The following STAU2 variants were observed in gnomAD, a reference collection of about 807,000 sequenced individuals.
The protein encoded by STAU2 is staufen double-stranded RNA binding protein 2.
A neutral mutation model predicts 65.9 loss-of-function variants in STAU2; 20 were observed. The observed-to-expected ratio is 0.30, with a 90% confidence interval of 0.21 to 0.44. STAU2 has a LOEUF of 0.44. STAU2 is among the 20% of genes least tolerant of loss of function. The probability of loss-of-function intolerance (pLI) is 1.00; values close to 1 mark genes in which losing one functional copy is unlikely to be tolerated. For missense variants in STAU2, 558 were observed against 683.9 expected (o/e 0.82, Z 2.05); for synonymous variants, 232 against 233.9 (o/e 0.99, Z 0.07).
chr8:73,612,872 G>A (rs2129830890), intron 9 of STAU2, among the ~76,000 whole-genome samples: 1 of 152,286 alleles, frequency 6.6e-6, no homozygotes, highest in South Asian at 2.1e-4. Context: ...GGCAATTTAA[G>A]GCTTTCTCTG....
chr8:73,597,369 G>A (rs1031465905), intron 10 of STAU2, among the ~76,000 whole-genome samples: 2 of 151,878 alleles, frequency 1.3e-5, no homozygotes, highest in Middle Eastern at 3.4e-3. Context: ...AAGGATTACT[G>A]AGGCCGGGTG....
At chr8:73,666,078 G>A (rs1817216519) in intron 6 of STAU2, among the ~76,000 whole-genome samples, 1 of 152,058 alleles carries the variant, frequency 6.6e-6, no homozygotes, top group African/African-American at 2.4e-5. Context: ...TGAATGCTGA[G>A]CCCATGGATA....
chr8:73,571,597 T>G (rs1459023091), intron 12 of STAU2, among the ~76,000 whole-genome samples: 2 of 152,090 alleles, frequency 1.3e-5, no homozygotes, highest in Non-Finnish European at 2.9e-5. Context: ...AGAAACTCAC[T>G]CAAAACCACA....
In STAU2 at chr8:73,420,681, A is replaced by T; in HGVS notation, c.*691T>A. On this transcript the variant is annotated 3_prime_UTR_variant, in exon 15 of 15. Coordinates refer to ENST00000524300, the MANE Select transcript of STAU2 (RefSeq NM_001164380.2). ...TACTTGCTAAGAGTATATGGAGCTC[A>T]AAACCCACAATTGCTTTGTTTTGTT... The T allele has an allele frequency of 6.3e-6, 1 of 157,542 alleles. No individual in the cohort carries two copies. The highest frequency in any genetic ancestry group is 6.1e-5 in the Admixed American group (1 of 16,464). The allele number at this position is 157,542 out of a possible 1,614,324, so 9.8% of individuals were successfully genotyped here. A position where few individuals can be genotyped will look rare whatever the true frequency, so the allele number is the denominator to read the frequency against.
At chr8:73,542,423 A>C (rs1030803529) in intron 13 of STAU2, among the ~76,000 whole-genome samples, 2 of 152,186 alleles carry the variant, frequency 1.3e-5, no homozygotes, top group African/African-American at 2.4e-5. Context: ...TCTTAGGGGT[A>C]GTCAAAAGAT....
intron 11 of STAU2, among the ~76,000 whole-genome samples, chr8:73,592,098 A>C (rs1810860886): frequency 1.3e-5 from 2 of 151,752 alleles, no homozygotes; most frequent in African/African-American, 4.8e-5. Context: ...AAAACAAGTG[A>C]AGGATAAAAT....
intron 12 of STAU2, among the ~76,000 whole-genome samples, chr8:73,562,038 T>C (rs1808267684): frequency 6.6e-6 from 1 of 152,228 alleles, no homozygotes. Context: ...ACTGTTCTTA[T>C]ATCTATACAT....
intron 13 of STAU2, among the ~76,000 whole-genome samples, chr8:73,481,831 G>A (rs4738372): frequency 0.5 from 76,521 of 151,896 alleles, 19,654 homozygotes; most frequent in Admixed American, 0.62. Flanking sequence ...AATCACAGTT[G>A]AGTATGACTC....
intron 11 of STAU2, among the ~76,000 whole-genome samples, chr8:73,586,265 G>T (rs1029995835): frequency 1.1e-4 from 16 of 152,150 alleles, no homozygotes; most frequent in African/African-American, 3.9e-4. Flanking sequence ...ACCCTAGAAA[G>T]CCTCCAGAAT....
At chr8:73,520,029 C>G (rs1822957374) in intron 13 of STAU2, among the ~76,000 whole-genome samples, 1 of 152,160 alleles carries the variant, frequency 6.6e-6, no homozygotes. Context: ...TAAAATTACC[C>G]TATGAGCAAT....
intron 12 of STAU2, among the ~76,000 whole-genome samples, chr8:73,581,141 A>T (rs1486867739): frequency 1.3e-5 from 2 of 152,138 alleles, no homozygotes; most frequent in African/African-American, 4.8e-5. Flanking sequence ...ATCCCTTAGC[A>T]AGTTAAAAAA....
intron 13 of STAU2, among the ~76,000 whole-genome samples, chr8:73,467,618 C>G (rs1371827855): frequency 6.6e-6 from 1 of 152,152 alleles, no homozygotes. Flanking sequence ...CATTTGTCCC[C>G]TTTTACAGCT....
intron 13 of STAU2, among the ~76,000 whole-genome samples, chr8:73,531,890 G>C (rs1805845972): frequency 6.6e-6 from 1 of 152,114 alleles, no homozygotes; most frequent in African/African-American, 2.4e-5. Context: ...CAATGTCATA[G>C]GACCTTGATT....
chr8:73,709,715 A>G (rs555789470), intron 3 of STAU2, among the ~76,000 whole-genome samples: 1 of 152,144 alleles, frequency 6.6e-6, no homozygotes, highest in South Asian at 2.1e-4. Context: ...AAAGTTGTAA[A>G]AAGAATAATT....
intron 13 of STAU2, chr8:73,549,541 G>A (rs1331498513): frequency 2.6e-6 from 2 of 778,054 alleles, no homozygotes; most frequent in Non-Finnish European, 3.1e-6. Context: ...GTAGCTTTTT[G>A]TAATTTATAA....
intron 6 of STAU2, among the ~76,000 whole-genome samples, chr8:73,654,401 CA>C: frequency 6.6e-6 from 1 of 151,914 alleles, no homozygotes; most frequent in Middle Eastern, 3.4e-3. Flanking sequence ...CCTGTAATCC[CA>C]ACACTTTGGG....
At chr8:73,500,788 C>T (rs1429200005) in intron 13 of STAU2, among the ~76,000 whole-genome samples, 1 of 151,734 alleles carries the variant, frequency 6.6e-6, no homozygotes, top group Non-Finnish European at 1.5e-5. Context: ...TATTTTACCT[C>T]AGAATATTAA....
intron 6 of STAU2, among the ~76,000 whole-genome samples, chr8:73,666,713 C>T (rs1817268656): frequency 6.6e-6 from 1 of 152,170 alleles, no homozygotes; most frequent in South Asian, 2.1e-4. Context: ...AGGCCATAAA[C>T]TTGTTCCAAA....
chr8:73,576,641 C>T (rs1311886835), intron 12 of STAU2, among the ~76,000 whole-genome samples: 2 of 152,080 alleles, frequency 1.3e-5, no homozygotes, highest in Non-Finnish European at 1.5e-5. Flanking sequence ...CATTATCTTG[C>T]TTCATAAGTT....
Sources: gnomAD v4.1 joint callset for allele counts (sites outside exome capture counted in the v4.1 genomes callset) on GRCh38, gnomAD v4.1.1 for gene constraint, MANE v1.5 for transcripts, NCBI Gene and HGNC (gene_info 2026-07-23, HGNC 2026-07-21) for gene names.